Variants in PARD3B observed in about 807,000 individuals in gnomAD.
PARD3B encodes the protein partitioning defective 3 homolog B.
In PARD3B, 103 loss-of-function variants were observed where a neutral mutation model predicts 130.2. The observed-to-expected ratio is 0.79, with a 90% confidence interval of 0.67 to 0.93. The LOEUF (loss-of-function observed/expected upper bound fraction) is 0.93. PARD3B is among the 40% of genes least tolerant of loss of function. The probability of loss-of-function intolerance (pLI) is 0.00; values close to 1 mark genes in which losing one functional copy is unlikely to be tolerated. For synonymous variants in PARD3B, 583 were observed against 553.2 expected (o/e 1.05, Z -0.76); for missense variants, 1,609 against 1,499.2 (o/e 1.07, Z -1.21).
intron 2 of PARD3B, among the ~76,000 whole-genome samples, chr2:204,865,219 TAAAG>T (rs1401357056): frequency 6.6e-6 from 1 of 152,146 alleles, no homozygotes; most frequent in Non-Finnish European, 1.5e-5. Context: ...GGAAATTTCT[TAAAG>T]AACTAAAAGT....
intron 18 of PARD3B, among the ~76,000 whole-genome samples, chr2:205,308,442 TA>T (rs1320396455): frequency 2.6e-5 from 4 of 151,412 alleles, no homozygotes; most frequent in Admixed American, 6.6e-5. Flanking sequence ...CCGTCTCTAC[TA>T]AAAAATACAA....
chr2:205,057,732 T>C (rs1165193709), intron 4 of PARD3B, among the ~76,000 whole-genome samples: 1 of 150,986 alleles, frequency 6.6e-6, no homozygotes, highest in South Asian at 2.1e-4. Flanking sequence ...TATACATATA[T>C]GTGTATGTGT....
intron 2 of PARD3B, among the ~76,000 whole-genome samples, chr2:204,948,788 A>G (rs1249533859): frequency 2.0e-5 from 3 of 152,230 alleles, no homozygotes; most frequent in East Asian, 1.9e-4. Context: ...GTGATTCACT[A>G]TATGAAACCA....
rs540645312 is a variant in PARD3B, at chr2:204,701,752, A to G, written c.222+15470A>G. On this transcript the variant is annotated intron_variant, in intron 2 of 22. Transcript: ENST00000406610. ...TTTTATTATTTTTTTTTTCTTTTTCAACTTTTAGCTTCAGGGGGTACATGT... is the reference window on the plus strand; with the variant it reads ...TTTTATTATTTTTTTTTTCTTTTTCGACTTTTAGCTTCAGGGGGTACATGT... Among the ~76,000 whole-genome samples, 26 of 151,722 alleles carry G rather than the reference A, an allele frequency of 1.7e-4. 1 individual carries two copies. In the East Asian group the frequency reaches 5.0e-3, roughly 29 times the overall value.
Position 205,089,150 on chromosome 2 carries a change from T to C in PARD3B, c.505-15276T>C, listed in dbSNP as rs13024492. ...CACTCTCTTTTTTTTTTCTTTCTTTTTTTTTTTTCTTTTTTTCTTTTTTTG... is the reference window on the plus strand; with the variant it reads ...CACTCTCTTTTTTTTTTCTTTCTTTCTTTTTTTTCTTTTTTTCTTTTTTTG... On this transcript the variant is annotated intron_variant, in intron 4 of 22. Coordinates refer to ENST00000406610, the MANE Select transcript of PARD3B (RefSeq NM_001302769.2). Among the ~76,000 whole-genome samples the C allele has an allele frequency of 2.7e-4, 37 of 135,004 alleles. No homozygotes were observed. The East Asian group carries it at 5.7e-3, about 21-fold the overall frequency. The allele number at this position is 135,004 out of a possible 152,430, so 88.6% of individuals were successfully genotyped here. A position where few individuals can be genotyped will look rare whatever the true frequency, so the allele number is the denominator to read the frequency against.
intron 21 of PARD3B, among the ~76,000 whole-genome samples, chr2:205,508,904 G>T (rs192799377): frequency 6.6e-6 from 1 of 151,562 alleles, no homozygotes; most frequent in East Asian, 1.9e-4. Context: ...TTAGATTTCA[G>T]CAAGTAGTAA....
chr2:204,726,533 G>T (rs1574826249), intron 2 of PARD3B, among the ~76,000 whole-genome samples: 1 of 152,156 alleles, frequency 6.6e-6, no homozygotes, highest in Non-Finnish European at 1.5e-5. Flanking sequence ...CAAAGCCCCA[G>T]TGAAGCCCCA....
intron 9 of PARD3B, 54 bp downstream of exon 9, chr2:205,124,520 G>T: frequency 1.5e-6 from 2 of 1,369,276 alleles, no homozygotes; most frequent in Non-Finnish European, 2.0e-6. Flanking sequence ...TTTAAATAAT[G>T]CCATTTAATT....
chr2:205,440,336 C>T lies in PARD3B; in HGVS notation c.2742-34C>T. On this transcript the variant is annotated intron_variant, in intron 19 of 22. Coordinates refer to ENST00000406610, the MANE Select transcript of PARD3B (RefSeq NM_001302769.2). The surrounding 1 kb of genome is among the most constrained non-coding windows in gnomAD (Gnocchi z 4.2). Reference sequence around the variant, plus strand: ...TCATTGTATTATTATATGAAACTCACATACATCTTTGCTACCTGTACTGTA... The same window carrying T: ...TCATTGTATTATTATATGAAACTCATATACATCTTTGCTACCTGTACTGTA... 2 of 1,585,100 alleles carry T rather than the reference C, an allele frequency of 1.3e-6. No homozygotes were observed. The highest frequency in any genetic ancestry group is 1.7e-6 in the Non-Finnish European group (2 of 1,156,068).
chr2:205,367,444 A>T (rs2044651701), intron 18 of PARD3B, among the ~76,000 whole-genome samples: 1 of 152,210 alleles, frequency 6.6e-6, no homozygotes, highest in South Asian at 2.1e-4. Context: ...TGACAGTAAG[A>T]TTCTTAAACT....
At chr2:205,485,119 A>G (rs968885102) in intron 20 of PARD3B, among the ~76,000 whole-genome samples, 3 of 152,194 alleles carry the variant, frequency 2.0e-5, no homozygotes, top group African/African-American at 7.2e-5. Context: ...ACTTTCCCTT[A>G]AAGTGCCAGT....
chr2:205,257,236 C>T (rs1300147894), intron 16 of PARD3B, among the ~76,000 whole-genome samples: 2 of 152,034 alleles, frequency 1.3e-5, no homozygotes, highest in Non-Finnish European at 2.9e-5. Context: ...ACCGCATACC[C>T]CTACGAAACA....
intron 16 of PARD3B, among the ~76,000 whole-genome samples, chr2:205,264,452 A>G (rs2040428463): frequency 6.6e-6 from 1 of 151,196 alleles, no homozygotes; most frequent in Non-Finnish European, 1.5e-5. Context: ...ATGGAAATGC[A>G]AAGTTTCTAG....
intron 2 of PARD3B, among the ~76,000 whole-genome samples, chr2:204,725,154 A>G (rs557218335): frequency 3.2e-4 from 49 of 152,340 alleles, no homozygotes; most frequent in Non-Finnish European, 5.7e-4. Context: ...TTTTGTTTGA[A>G]TTATGGTTAT....
At position 204,643,046 on chromosome 2, in the gene PARD3B, G is replaced by A. The variant is rs1310432843; in HGVS notation, c.121-43135G>A. 3.5e-5 allele frequency among the ~76,000 whole-genome samples: 5 copies of A among 141,494 alleles called. No individual in the cohort carries two copies. In the South Asian group the frequency reaches 6.8e-4, roughly 19 times the overall value. 92.8% of individuals were successfully genotyped at this position (141,494 alleles called of 152,430 possible). A position where few individuals can be genotyped will look rare whatever the true frequency, so the allele number is the denominator to read the frequency against. On this transcript the variant is annotated intron_variant, in intron 1 of 22. Coordinates refer to ENST00000406610, the MANE Select transcript of PARD3B (RefSeq NM_001302769.2). ...GGAGAATCATTTGAACCCGGGGGGC[G>A]CAGATTGCAGTGAGCCGAGATCGCA...
intron 15 of PARD3B, among the ~76,000 whole-genome samples, chr2:205,201,793 C>T (rs1382756079): frequency 6.6e-6 from 1 of 152,268 alleles, no homozygotes; most frequent in African/African-American, 2.4e-5. Context: ...GCGGAGATCA[C>T]GCCATTGCAC....
chr2:205,584,133 C>T lies in PARD3B; in HGVS notation c.3260+30730C>T, dbSNP rs999886197. Reference sequence around the variant, plus strand: ...TTGGAAATAATTCTTTGTAGATCTGCACTCCAATATGGTAGCCGCAACAAC... The same window carrying T: ...TTGGAAATAATTCTTTGTAGATCTGTACTCCAATATGGTAGCCGCAACAAC... On this transcript the variant is annotated intron_variant, in intron 22 of 22. Transcript: ENST00000406610. This position sits in a 1 kb window ranked among gnomAD's most constrained non-coding sequence, Gnocchi z 5.5. Among the ~76,000 whole-genome samples, 5 of 152,004 alleles carry T rather than the reference C, an allele frequency of 3.3e-5. No individual in the cohort carries two copies. The highest frequency in any genetic ancestry group is 1.2e-4 in the African/African-American group (5 of 41,384).
At chr2:204,875,329 C>T (rs2045794619) in intron 2 of PARD3B, among the ~76,000 whole-genome samples, 4 of 152,286 alleles carry the variant, frequency 2.6e-5, no homozygotes, top group Middle Eastern at 6.8e-3. Context: ...ACAGCTCTCT[C>T]GGCTTTATAT....
chr2:205,082,289 G>A (rs1282764662), intron 4 of PARD3B, among the ~76,000 whole-genome samples: 1 of 152,094 alleles, frequency 6.6e-6, no homozygotes, highest in Non-Finnish European at 1.5e-5. Flanking sequence ...TAGATGCCTG[G>A]AAACACGGAT....
Sources: allele counts gnomAD v4.1 joint callset (sites outside exome capture counted in the v4.1 genomes callset), GRCh38; gene constraint gnomAD v4.1.1; non-coding constraint Gnocchi (gnomAD v3.1); transcripts MANE v1.5; gene names NCBI Gene and HGNC (gene_info 2026-07-23, HGNC 2026-07-21).